MTMR9: variants seen among roughly 807,000 people sequenced by gnomAD.
The protein encoded by MTMR9 is myotubularin related protein 9, also known as myotubularin-related protein 9.
In MTMR9, 39 loss-of-function variants were observed where a neutral mutation model predicts 69.5. That is an observed-to-expected ratio of 0.56 (90% CI 0.43 to 0.73). MTMR9 has a LOEUF of 0.73. Ranked by LOEUF, MTMR9 falls within the 30% of genes least tolerant of loss-of-function variation. The pLI, the probability that MTMR9 is intolerant of heterozygous loss-of-function variation, is 0.00. For synonymous variants in MTMR9, 354 were observed against 240.8 expected (o/e 1.47, Z -4.35); for missense variants, 900 against 671.2 (o/e 1.34, Z -3.77).
the MTMR9 span, among the ~76,000 whole-genome samples, chr8:11,338,132 G>C: frequency 1.3e-5 from 2 of 152,178 alleles, no homozygotes; most frequent in South Asian, 4.1e-4. Flanking sequence ...AGAATTTAGC[G>C]TCCTGGCAAG....
At chr8:11,317,422 C>T (rs866902852) in intron 8 of MTMR9, 1 of 152,194 alleles carries the variant, frequency 6.6e-6, no homozygotes, top group East Asian at 1.9e-4. Flanking sequence ...GTCAGATCAT[C>T]AGGCATTAGA....
At chr8:11,334,317 A>G in the MTMR9 span, among the ~76,000 whole-genome samples, 2 of 152,268 alleles carry the variant, frequency 1.3e-5, no homozygotes, top group African/African-American at 4.8e-5. Flanking sequence ...AAAGACAGGC[A>G]TAAAAATAAA....
In MTMR9 at chr8:11,326,286, G is replaced by T. The variant is rs1412497142; in HGVS notation, c.*3498G>T. ...TATCCGACCTTAATCTGGGATAAAG[G>T]TTTTGGTATTTGCCCACTTCTAGAT... On this transcript the variant is annotated 3_prime_UTR_variant, in exon 10 of 10. Transcript: ENST00000221086. 2.6e-5 allele frequency: 4 copies of T among 152,150 alleles called. No individual in the cohort carries two copies. The highest frequency in any genetic ancestry group is 5.9e-5 in the Non-Finnish European group (4 of 68,028). 9.4% of individuals were successfully genotyped at this position (152,150 alleles called of 1,614,324 possible).
chr8:11,306,036 A>G (rs1040952226), intron 4 of MTMR9, among the ~76,000 whole-genome samples, 154 bp from the exon 5 acceptor site: 1 of 152,246 alleles, frequency 6.6e-6, no homozygotes, highest in Non-Finnish European at 1.5e-5. Flanking sequence ...ACTATTGTCA[A>G]TACATGCAAA....
In MTMR9 at chr8:11,325,482, C is replaced by T. The variant is rs1022343384; in HGVS notation, c.*2694C>T. On this transcript the variant is annotated 3_prime_UTR_variant, in exon 10 of 10. Coordinates refer to ENST00000221086, the MANE Select transcript of MTMR9 (RefSeq NM_015458.4). ...GCCCCAGAGGGGCCGGTAATAATCA[C>T]GTGAGGGATAATCAGATTCCTGCGT... 6 of 152,160 alleles carry T rather than the reference C, an allele frequency of 3.9e-5. No homozygotes were observed. Among genetic ancestry groups the T allele is most frequent in the Non-Finnish European group, 7.3e-5 (5 of 68,032 alleles). The allele number at this position is 152,160 out of a possible 1,614,324, so 9.4% of individuals were successfully genotyped here.
In MTMR9 at chr8:11,326,266, G is replaced by A. The variant is rs917895252; in HGVS notation, c.*3478G>A. ...AGGTCATCAGGTTCACTTATTATCC[G>A]ACCTTAATCTGGGATAAAGGTTTTG... is the stretch of plus-strand genomic sequence containing the variant. On this transcript the variant is annotated 3_prime_UTR_variant, in exon 10 of 10. Coordinates refer to ENST00000221086, the MANE Select transcript of MTMR9 (RefSeq NM_015458.4). 14 of 151,562 alleles carry A rather than the reference G, an allele frequency of 9.2e-5. No individual in the cohort carries two copies. Among genetic ancestry groups the A allele is most frequent in the African/African-American group, 3.4e-4 (14 of 41,332 alleles). 9.4% of individuals were successfully genotyped at this position (151,562 alleles called of 1,614,324 possible). A position where few individuals can be genotyped will look rare whatever the true frequency, so the allele number is the denominator to read the frequency against.
intron 6 of MTMR9, among the ~76,000 whole-genome samples, chr8:11,310,117 T>A (rs1800137294): frequency 1.3e-5 from 2 of 152,258 alleles, no homozygotes; most frequent in South Asian, 4.1e-4. Context: ...TGATCCTTTC[T>A]AACCTCCGGG....
At chr8:11,321,418 A>T (rs912491955) in intron 9 of MTMR9, 4 of 456,238 alleles carry the variant, frequency 8.8e-6, no homozygotes, top group East Asian at 6.9e-5. Context: ...AACTGAAATG[A>T]GCGTAGCTGT....
chr8:11,306,254 A>T lies in MTMR9; in HGVS notation c.656A>T (p.Lys219Met), dbSNP rs761870250. Residue 219 changes from lysine (K) to methionine (M), a missense_variant, in exon 5 of 10, where the codon AAG becomes ATG. Coordinates refer to ENST00000221086, the MANE Select transcript of MTMR9 (RefSeq NM_015458.4). Reference protein sequence around the residue: ...TNGRRCKEDEKLINATLRAGK... With the variant: ...TNGRRCKEDEMLINATLRAGK... Reference sequence around the variant, plus strand: ...GGGAGGAGGTGCAAGGAGGACGAGAAGCTGATAAATGCTACCCTCAGGGCT... The same window carrying T: ...GGGAGGAGGTGCAAGGAGGACGAGATGCTGATAAATGCTACCCTCAGGGCT... 1.9e-6 allele frequency: 3 copies of T among 1,613,990 alleles called. No homozygotes were observed.
chr8:11,304,713 C>A (rs899493443), intron 3 of MTMR9, 128 bp from the exon 4 acceptor site: 2 of 875,788 alleles, frequency 2.3e-6, no homozygotes, highest in African/African-American at 3.4e-5. Context: ...TAGAGATCCA[C>A]CTGTGAAATT....
At chr8:11,337,278 G>A in the MTMR9 span, among the ~76,000 whole-genome samples, 1 of 152,316 alleles carries the variant, frequency 6.6e-6, no homozygotes, top group East Asian at 1.9e-4. Flanking sequence ...ATACTCAAAT[G>A]TGACATATGT....
chr8:11,319,576 C>A, intron 8 of MTMR9, 111 bp from the exon 9 acceptor site: 1 of 1,133,912 alleles, frequency 8.8e-7, no homozygotes, highest in Non-Finnish European at 1.3e-6. Context: ...TACCAAAAGT[C>A]TTGTATTCTA....
rs567935031 is a variant in MTMR9, at chr8:11,311,601, G to C, written c.971+1913G>C. On this transcript the variant is annotated intron_variant, in intron 6 of 9. Coordinates refer to ENST00000221086, the MANE Select transcript of MTMR9 (RefSeq NM_015458.4). ...ATTTAAAAATACTTTATTGGTATTT[G>C]AGGTTATTGGCCCTGGTAGAGGGCC... Among the ~76,000 whole-genome samples, 3 of 152,310 alleles carry C rather than the reference G, an allele frequency of 2.0e-5. No homozygotes were observed. In the East Asian group the frequency reaches 5.8e-4, roughly 29 times the overall value.
intron 1 of MTMR9, among the ~76,000 whole-genome samples, chr8:11,291,107 G>T (rs569244397): frequency 6.6e-6 from 1 of 151,948 alleles, no homozygotes. Context: ...ATTGACATTG[G>T]TGCAGTACTA....
At chr8:11,301,471 G>C (rs985223307) in intron 3 of MTMR9, among the ~76,000 whole-genome samples, 2 of 152,152 alleles carry the variant, frequency 1.3e-5, no homozygotes, top group African/African-American at 4.8e-5. Context: ...GATAAACCTA[G>C]ACCCTTACCT....
chr8:11,312,851 G>GA (rs1207128785), intron 6 of MTMR9, among the ~76,000 whole-genome samples: 8 of 152,322 alleles, frequency 5.3e-5, no homozygotes, highest in African/African-American at 1.7e-4. Context: ...TTAGCAGGCA[G>GA]AAAAACAACA....
At chr8:11,285,139 T>TC in intron 1 of MTMR9, 69 bp downstream of exon 1, 1 of 1,420,220 alleles carries the variant, frequency 7.0e-7, no homozygotes, top group Non-Finnish European at 9.4e-7. Flanking sequence ...GGGAAATACT[T>TC]CCTGGCGTTT....
chr8:11,311,565 T>A (rs1268463814), intron 6 of MTMR9, among the ~76,000 whole-genome samples: 2 of 152,236 alleles, frequency 1.3e-5, no homozygotes, highest in Admixed American at 1.3e-4. Context: ...AAAAACAATA[T>A]ACATACCTGA....
At chr8:11,309,415 G>C (rs1219986824) in intron 5 of MTMR9, 112 bp from the exon 6 acceptor site, 3 of 811,574 alleles carry the variant, frequency 3.7e-6, no homozygotes, top group Non-Finnish European at 5.7e-6. Context: ...TATTTTTATA[G>C]TATTTTGAAC....
Sources: allele counts gnomAD v4.1 joint callset (sites outside exome capture counted in the v4.1 genomes callset), GRCh38; gene constraint gnomAD v4.1.1; transcripts MANE v1.5; gene names NCBI Gene and HGNC (gene_info 2026-07-23, HGNC 2026-07-21).